The following DLGAP2 variants were observed in gnomAD, a reference collection of about 807,000 sequenced individuals.
The protein encoded by DLGAP2 is DLG associated protein 2.
In DLGAP2, 26 loss-of-function variants were observed where a neutral mutation model predicts 100.3. The observed-to-expected ratio is 0.26, with a 90% CI of 0.19 to 0.36. The LOEUF is 0.36. DLGAP2 is among the 10% of genes least tolerant of loss of function. The pLI, the probability that DLGAP2 is intolerant of heterozygous loss-of-function variation, is 1.00. For synonymous variants in DLGAP2, 886 were observed against 630.1 expected (o/e 1.41, Z -6.08); for missense variants, 1,858 against 1,453.2 (o/e 1.28, Z -4.53).
chr8:1,320,212 G>A (rs1800863328), intron 3 of DLGAP2, among the ~76,000 whole-genome samples: 1 of 152,020 alleles, frequency 6.6e-6, no homozygotes, highest in African/African-American at 2.4e-5. Context: ...ATGGGGAAGG[G>A]TAAGGATGAA....
At chr8:1,670,837 T>C (rs754230736) in intron 10 of DLGAP2, among the ~76,000 whole-genome samples, 1 of 152,144 alleles carries the variant, frequency 6.6e-6, no homozygotes, top group Non-Finnish European at 1.5e-5. Context: ...AGCCAAAGAA[T>C]TGAAGCCACT....
intron 1 of DLGAP2, 164 bp downstream of exon 1, chr8:737,989 G>T (rs184040362): frequency 2.6e-4 from 86 of 327,416 alleles, no homozygotes; most frequent in Non-Finnish European, 3.9e-4. Context: ...GAGCGCTGGG[G>T]ACCCCAGGGA....
At chr8:1,586,391 A>G (rs750426594) in intron 6 of DLGAP2, among the ~76,000 whole-genome samples, 2 of 152,156 alleles carry the variant, frequency 1.3e-5, no homozygotes, top group South Asian at 4.1e-4. Context: ...AGCCAGCTGG[A>G]CGGGGTGTGG....
At chr8:774,874 A>G (rs1821469983) in intron 1 of DLGAP2, among the ~76,000 whole-genome samples, 1 of 147,276 alleles carries the variant, frequency 6.8e-6, no homozygotes, top group South Asian at 2.2e-4. Flanking sequence ...AGTTTTTTCC[A>G]ATTCTGTGAA....
chr8:794,217 G>A (rs1236714881), intron 1 of DLGAP2, among the ~76,000 whole-genome samples: 1 of 151,944 alleles, frequency 6.6e-6, no homozygotes, highest in Non-Finnish European at 1.5e-5. Context: ...TCTAGCTGCA[G>A]AATGGGGTCC....
At chr8:1,350,053 A>G (rs1318664220) in intron 3 of DLGAP2, among the ~76,000 whole-genome samples, 2 of 152,240 alleles carry the variant, frequency 1.3e-5, no homozygotes, top group African/African-American at 2.4e-5. Context: ...TAATATAGAA[A>G]CCGTTTCGAT....
chr8:1,434,541 A>T (rs1331151663), intron 3 of DLGAP2, among the ~76,000 whole-genome samples: 1 of 152,080 alleles, frequency 6.6e-6, no homozygotes, highest in Non-Finnish European at 1.5e-5. Context: ...CAGTGGTACA[A>T]TCTTGGCTCA....
chr8:1,347,938 A>G (rs56135944), intron 3 of DLGAP2, among the ~76,000 whole-genome samples: 3,825 of 45,204 alleles, frequency 0.085, no homozygotes, highest in Middle Eastern at 0.19. Flanking sequence ...CTGTGTGGAG[A>G]TTGAGTTCCC....
chr8:1,204,464 G>C (rs1210336083), intron 2 of DLGAP2, among the ~76,000 whole-genome samples: 5 of 152,206 alleles, frequency 3.3e-5, no homozygotes, highest in African/African-American at 1.2e-4. Context: ...ACCGTGTGTG[G>C]TCTTGAGCAA....
intron 6 of DLGAP2, among the ~76,000 whole-genome samples, chr8:1,600,270 G>A (rs1417518774): frequency 6.6e-6 from 1 of 152,030 alleles, no homozygotes; most frequent in African/African-American, 2.4e-5. Flanking sequence ...TCCCTTTGTG[G>A]GTAACCTGAC....
chr8:1,636,893 C>T (rs1797779251), intron 8 of DLGAP2, among the ~76,000 whole-genome samples: 2 of 152,186 alleles, frequency 1.3e-5, no homozygotes, highest in African/African-American at 4.8e-5. Flanking sequence ...AACGTTTTGG[C>T]CAATAGAGTA....
At chr8:864,968 G>T (rs1797466969) in intron 1 of DLGAP2, among the ~76,000 whole-genome samples, 1 of 152,158 alleles carries the variant, frequency 6.6e-6, no homozygotes. Flanking sequence ...CTGGGAAGTG[G>T]ATTTAGGAAT....
At chr8:936,451 G>C (rs1264122791) in intron 2 of DLGAP2, among the ~76,000 whole-genome samples, 7 of 152,210 alleles carry the variant, frequency 4.6e-5, no homozygotes. Flanking sequence ...TGCCTAGGGA[G>C]GAAGGGAAGC....
At chr8:1,234,538 A>G (rs1798603670) in intron 2 of DLGAP2, among the ~76,000 whole-genome samples, 2 of 152,124 alleles carry the variant, frequency 1.3e-5, no homozygotes, top group South Asian at 4.1e-4. Context: ...CAATGACCCT[A>G]TTTCTAAACT....
chr8:1,191,401 A>G (rs1476045140), intron 2 of DLGAP2, among the ~76,000 whole-genome samples: 1 of 152,060 alleles, frequency 6.6e-6, no homozygotes, highest in Non-Finnish European at 1.5e-5. Flanking sequence ...TGATCTCCTG[A>G]CCTTGTGATC....
At chr8:1,559,965 G>A (rs187067413) in intron 5 of DLGAP2, among the ~76,000 whole-genome samples, 3 of 152,140 alleles carry the variant, frequency 2.0e-5, no homozygotes, top group Non-Finnish European at 4.4e-5. Flanking sequence ...CCTTCAACAC[G>A]TGTCCCCTCC....
At chr8:1,431,830 T>C (rs370116376) in intron 3 of DLGAP2, among the ~76,000 whole-genome samples, 81 of 152,300 alleles carry the variant, frequency 5.3e-4, no homozygotes, top group African/African-American at 1.8e-3. Flanking sequence ...GATGCCTCCG[T>C]GTCGATGGCC....
chr8:1,207,100 AT>A (rs1798012953), intron 2 of DLGAP2, among the ~76,000 whole-genome samples: 1 of 151,978 alleles, frequency 6.6e-6, no homozygotes, highest in African/African-American at 2.4e-5. Context: ...TTCCTTTTTT[AT>A]TTCAATAGAT....
At chr8:1,103,328 G>A (rs1193599671) in intron 2 of DLGAP2, among the ~76,000 whole-genome samples, 3 of 151,394 alleles carry the variant, frequency 2.0e-5, no homozygotes, top group African/African-American at 4.8e-5. Flanking sequence ...CTTGGTTAAC[G>A]GTGATGACTG....
Sources: gnomAD v4.1 joint callset for allele counts (sites outside exome capture counted in the v4.1 genomes callset) on GRCh38, gnomAD v4.1.1 for gene constraint, MANE v1.5 for transcripts, NCBI Gene and HGNC (gene_info 2026-07-23, HGNC 2026-07-21) for gene names.